The following SPSB1 variants were observed in gnomAD, a reference collection of about 807,000 sequenced individuals.
SPSB1 encodes splA/ryanodine receptor domain and SOCS box containing 1.
SPSB1 carries 8 observed loss-of-function variants against 21.2 expected under a neutral mutation model. The ratio of observed to expected loss-of-function variants is 0.38; its 90% CI spans 0.22 to 0.68. The LOEUF (loss-of-function observed/expected upper bound fraction) is 0.68. Among genes scored for constraint, SPSB1 ranks in the 30% least tolerant of loss-of-function variants. The probability of loss-of-function intolerance (pLI) is 0.53; values close to 1 mark genes in which losing one functional copy is unlikely to be tolerated. For synonymous variants in SPSB1, 169 were observed against 161.7 expected, an observed-to-expected ratio of 1.05 and a Z score of -0.34; for missense variants, 242 against 377.8, an observed-to-expected ratio of 0.64 and a Z score of 2.98.
intron 1 of SPSB1, among the ~76,000 whole-genome samples, chr1:9,311,166 T>G (rs1274520052): frequency 1.3e-5 from 2 of 151,486 alleles, no homozygotes; most frequent in African/African-American, 4.8e-5. Flanking sequence ...AAGGGTTTTT[T>G]TTTTTTTTTT....
intron 1 of SPSB1, among the ~76,000 whole-genome samples, chr1:9,337,763 C>T (rs1033902925): frequency 5.3e-5 from 8 of 152,216 alleles, no homozygotes; most frequent in Non-Finnish European, 1.0e-4. Context: ...AACCTCCCTG[C>T]TCCCTGCCTC....
At chr1:9,326,858 C>T (rs900665550) in intron 1 of SPSB1, among the ~76,000 whole-genome samples, 6 of 152,196 alleles carry the variant, frequency 3.9e-5, no homozygotes, top group African/African-American at 9.7e-5. Flanking sequence ...CAAAAATCCC[C>T]GTGGATGCAG....
intron 1 of SPSB1, among the ~76,000 whole-genome samples, chr1:9,295,975 A>G (rs1639217829): frequency 6.6e-6 from 1 of 152,024 alleles, no homozygotes; most frequent in Admixed American, 6.6e-5. Context: ...CCTCAACACT[A>G]GATCAGTGAA....
chr1:9,338,352 TG>T (rs1640037770), intron 1 of SPSB1, among the ~76,000 whole-genome samples: 1 of 152,158 alleles, frequency 6.6e-6, no homozygotes, highest in Non-Finnish European at 1.5e-5. Context: ...ATGGGGGCTC[TG>T]GGTGTGCTGT....
chr1:9,361,552 G>A (rs912355843), intron 2 of SPSB1, among the ~76,000 whole-genome samples: 6 of 152,178 alleles, frequency 3.9e-5, no homozygotes, highest in African/African-American at 9.7e-5. Flanking sequence ...GAACCCCCCC[G>A]CAGCAGAGTC....
chr1:9,340,096 G>GTGA (rs1640066217), intron 1 of SPSB1, among the ~76,000 whole-genome samples: 1 of 151,990 alleles, frequency 6.6e-6, no homozygotes, highest in Non-Finnish European at 1.5e-5. Flanking sequence ...AAGCTCCTGG[G>GTGA]TGATGGTCTG....
intron 1 of SPSB1, among the ~76,000 whole-genome samples, chr1:9,344,406 C>T (rs1170914107): frequency 6.6e-6 from 1 of 152,192 alleles, no homozygotes; most frequent in Non-Finnish European, 1.5e-5. Flanking sequence ...CACCGCCAGA[C>T]AGAGGGAGGC....
intron 2 of SPSB1, among the ~76,000 whole-genome samples, chr1:9,362,175 A>ACCCC (rs1256297200): frequency 6.9e-6 from 1 of 144,016 alleles, no homozygotes; most frequent in Non-Finnish European, 1.5e-5. Flanking sequence ...CACCAGGGCC[A>ACCCC]CCCACCCTCC....
At chr1:9,357,732 C>T (rs1014785227) in intron 2 of SPSB1, among the ~76,000 whole-genome samples, 2 of 152,148 alleles carry the variant, frequency 1.3e-5, no homozygotes, top group Non-Finnish European at 2.9e-5. Context: ...TGAATGCAGC[C>T]CATGTGTAGG....
At chr1:9,360,880 A>AC (rs2100519807) in intron 2 of SPSB1, among the ~76,000 whole-genome samples, 1 of 152,294 alleles carries the variant, frequency 6.6e-6, no homozygotes, top group African/African-American at 2.4e-5. Context: ...GCCAGTGTAG[A>AC]CCATCTCCAT....
In SPSB1 at chr1:9,293,132, C is replaced by A; in HGVS notation, c.-150+61C>A. 4.1e-6 allele frequency: 4 copies of A among 973,356 alleles called. No homozygotes were observed. The highest frequency in any genetic ancestry group is 4.9e-6 in the Non-Finnish European group (4 of 821,746). The allele number at this position is 973,356 out of a possible 1,614,324, so 60.3% of individuals were successfully genotyped here. A position where few individuals can be genotyped will look rare whatever the true frequency, so the allele number is the denominator to read the frequency against. On this transcript the variant is annotated intron_variant, in intron 1 of 2. Coordinates refer to ENST00000328089, the MANE Select transcript of SPSB1 (RefSeq NM_025106.4). This position sits in a 1 kb window ranked among gnomAD's most constrained non-coding sequence, Gnocchi z 5.1. ...GGGCGACCGGCCCGGGAGGGGGAGG[C>A]GCGGGGGGCCGGGCGAGGGCGGACG...
intron 1 of SPSB1, among the ~76,000 whole-genome samples, chr1:9,350,438 G>A (rs1439103769): frequency 1.3e-5 from 2 of 152,220 alleles, no homozygotes; most frequent in Non-Finnish European, 2.9e-5. Flanking sequence ...TGTGCTTTTG[G>A]GGATGAAAAC....
At chr1:9,329,310 G>GTGGA (rs1639875484) in intron 1 of SPSB1, among the ~76,000 whole-genome samples, 1 of 152,104 alleles carries the variant, frequency 6.6e-6, no homozygotes, top group Non-Finnish European at 1.5e-5. Context: ...AGGTGGACAG[G>GTGGA]CGGATGGGTG....
intron 1 of SPSB1, among the ~76,000 whole-genome samples, chr1:9,344,049 A>C (rs1294900885): frequency 6.6e-6 from 1 of 152,156 alleles, no homozygotes; most frequent in African/African-American, 2.4e-5. Flanking sequence ...CGGCCTCCCA[A>C]AGTGCTGGGA....
intron 1 of SPSB1, among the ~76,000 whole-genome samples, chr1:9,327,843 A>G (rs1373622203): frequency 6.6e-6 from 1 of 152,230 alleles, no homozygotes; most frequent in Non-Finnish European, 1.5e-5. Context: ...GTGCCAATCA[A>G]GCTTCACTTC....
intron 2 of SPSB1, among the ~76,000 whole-genome samples, chr1:9,362,729 A>G (rs921752383): frequency 6.6e-6 from 1 of 152,156 alleles, no homozygotes; most frequent in Non-Finnish European, 1.5e-5. Context: ...GGGGCTGTGC[A>G]TGTTCACGTG....
intron 1 of SPSB1, among the ~76,000 whole-genome samples, chr1:9,347,386 A>G (rs1640180352): frequency 2.0e-5 from 3 of 152,064 alleles, no homozygotes; most frequent in Non-Finnish European, 2.9e-5. Context: ...TGTGTGCTTA[A>G]AAATCATTTT....
At chr1:9,340,903 G>C (rs774155177) in intron 1 of SPSB1, among the ~76,000 whole-genome samples, 1 of 152,174 alleles carries the variant, frequency 6.6e-6, no homozygotes, top group Non-Finnish European at 1.5e-5. Context: ...GCTGCGGTGC[G>C]GGGAGGCAGA....
At chr1:9,325,708 G>A (rs538095697) in intron 1 of SPSB1, among the ~76,000 whole-genome samples, 6 of 152,270 alleles carry the variant, frequency 3.9e-5, no homozygotes, top group African/African-American at 1.2e-4. Context: ...CCAAGTGAAC[G>A]TCATTGTGAA....
Sources: gnomAD v4.1 joint callset for allele counts (sites outside exome capture counted in the v4.1 genomes callset) on GRCh38, gnomAD v4.1.1 for gene constraint, Gnocchi (gnomAD v3.1) non-coding constraint, MANE v1.5 for transcripts, NCBI Gene and HGNC (gene_info 2026-07-23, HGNC 2026-07-21) for gene names.